RHCE: variants seen among roughly 807,000 people sequenced by gnomAD.
The protein encoded by RHCE is Rh blood group CcEe antigens, also known as blood group Rh(CE) polypeptide.
In RHCE, 22 loss-of-function variants were observed where a neutral mutation model predicts 43.8. The observed-to-expected ratio is 0.50, with a 90% confidence interval of 0.36 to 0.72. The LOEUF (loss-of-function observed/expected upper bound fraction) is 0.72, where lower values mean the gene tolerates loss of function less well. Ranked by LOEUF, RHCE falls within the 30% of genes least tolerant of loss-of-function variation. The pLI is 0.00. For missense variants in RHCE, 385 were observed against 525.4 expected (o/e 0.73, Z 2.61); for synonymous variants, 156 against 210.7 (o/e 0.74, Z 2.25).
chr1:25,396,406 C>A (rs615069), intron 3 of RHCE, among the ~76,000 whole-genome samples: 15 of 152,110 alleles, frequency 9.9e-5, no homozygotes, highest in Admixed American at 2.6e-4. Flanking sequence ...GTTAACTGAA[C>A]AATGGTTATG....
chr1:25,412,736 AAAAAAAG>A (rs1647131134), intron 1 of RHCE, among the ~76,000 whole-genome samples: 1 of 150,002 alleles, frequency 6.7e-6, no homozygotes. Flanking sequence ...AAAAAAAAAA[AAAAAAAG>A]GCCGGGCACA....
chr1:25,405,108 A>T (rs916313144), intron 2 of RHCE, among the ~76,000 whole-genome samples: 1 of 151,362 alleles, frequency 6.6e-6, no homozygotes, highest in African/African-American at 2.4e-5. Context: ...CTGTAATTCC[A>T]GTACTTTTCG....
At chr1:25,402,206 G>GTCTGTCTA (rs796249762) in intron 3 of RHCE, among the ~76,000 whole-genome samples, 28,207 of 129,816 alleles carry the variant, frequency 0.22, 3,633 homozygotes, top group Non-Finnish European at 0.31. Context: ...CTGTCTGTCT[G>GTCTGTCTA]TCTATCTATC....
intron 1 of RHCE, among the ~76,000 whole-genome samples, chr1:25,414,322 C>A (rs1298512995): frequency 6.6e-6 from 1 of 152,094 alleles, no homozygotes; most frequent in Non-Finnish European, 1.5e-5. Flanking sequence ...CTCTGGCCTG[C>A]AGAAACTTCA....
chr1:25,396,796 G>T (rs1407038432), intron 3 of RHCE, among the ~76,000 whole-genome samples: 1 of 152,092 alleles, frequency 6.6e-6, no homozygotes, highest in Non-Finnish European at 1.5e-5. Flanking sequence ...ATTGGAGGGG[G>T]ATACAGAACC....
At chr1:25,408,013 C>T (rs568585954) in intron 2 of RHCE, among the ~76,000 whole-genome samples, 2 of 123,832 alleles carry the variant, frequency 1.6e-5, no homozygotes, top group African/African-American at 5.0e-5. Context: ...TCAGGCTGGA[C>T]GCGGTGGCTC....
chr1:25,411,413 A>G (rs1477795437), intron 1 of RHCE: 1 of 1,550,358 alleles, frequency 6.5e-7, no homozygotes, highest in Admixed American at 2.0e-5. Context: ...AAAGTCTCAG[A>G]AAAAGTCTTT....
rs569164410 is a variant in RHCE, at chr1:25,367,656, G to A, written c.1227+2811C>T. Among the ~76,000 whole-genome samples, 96 of 140,144 alleles carry A rather than the reference G, an allele frequency of 6.9e-4. 4 individuals are homozygous for A. In the South Asian group the frequency reaches 0.019, roughly 27 times the overall value. The allele number at this position is 140,144 out of a possible 152,430, so 91.9% of individuals were successfully genotyped here. On this transcript the variant is annotated intron_variant, in intron 9 of 9. Transcript: ENST00000294413. ...AAAGAGGCCAGACCAAGGGCAGTAC[G>A]TGCTGCATGATTCCCTTTGTGTAAC...
At chr1:25,402,159 G>A (rs1425222996) in intron 3 of RHCE, among the ~76,000 whole-genome samples, 2 of 151,558 alleles carry the variant, frequency 1.3e-5, no homozygotes, top group African/African-American at 2.4e-5. Context: ...TTACAGGTGT[G>A]AGCCACTGTA....
intron 9 of RHCE, among the ~76,000 whole-genome samples, chr1:25,369,398 GCT>G (rs1645535948): frequency 6.6e-6 from 1 of 151,652 alleles, no homozygotes; most frequent in African/African-American, 2.4e-5. Flanking sequence ...ACTGGTCCCT[GCT>G]GGTCCAGCCT....
chr1:25,386,776 G>A (rs1646178302), intron 6 of RHCE, among the ~76,000 whole-genome samples: 1 of 151,666 alleles, frequency 6.6e-6, no homozygotes, highest in South Asian at 2.1e-4. Flanking sequence ...AAGCCAAGAT[G>A]GCGCCACTGC....
chr1:25,386,820 T>TCAACAA (rs1199191866), intron 6 of RHCE, among the ~76,000 whole-genome samples: 3 of 145,250 alleles, frequency 2.1e-5, no homozygotes, highest in East Asian at 3.9e-4. Flanking sequence ...AGACACCGTC[T>TCAACAA]CAACAACAAC....
Position 25,392,153 on chromosome 1 carries a change from C to G in RHCE, c.487-12G>C. ...ATGTGGTAGTCTGTCTGCAATAAAA[C>G]CCAGTAAGAGCAGTGAGTGTCGGCA... On this transcript the variant is annotated splice_polypyrimidine_tract_variant and intron_variant, in intron 3 of 9. Transcript: ENST00000294413. 1 of 1,614,116 alleles carries G rather than the reference C, an allele frequency of 6.2e-7. No individual in the cohort carries two copies.
At chr1:25,370,332 A>T in intron 9 of RHCE, 135 bp downstream of exon 9, 1 of 730,446 alleles carries the variant, frequency 1.4e-6, no homozygotes, top group Non-Finnish European at 2.5e-6. Context: ...TTTCTCCTCT[A>T]GTTCCTCCTG....
chr1:25,388,998 A>T lies in RHCE; in HGVS notation c.917T>A (p.Ile306Asn). The change falls in exon 6 of 10, where the codon ATC (isoleucine) becomes AAC (asparagine). Residue 306 changes from isoleucine (I) to asparagine (N), a missense_variant. Coordinates refer to ENST00000294413, the MANE Select transcript of RHCE (RefSeq NM_020485.8). ...TACCGGCAGGCACTTGGCTCCCCCGATGGAGATCAGCCCAGCCACAAGACC... is the reference window on the plus strand; with the variant it reads ...TACCGGCAGGCACTTGGCTCCCCCGTTGGAGATCAGCCCAGCCACAAGACC... ...VLGLVAGLISIGGAKCLPVCC... is the reference protein window; with the variant it reads ...VLGLVAGLISNGGAKCLPVCC... The T allele has an allele frequency of 6.2e-7, 1 of 1,614,220 alleles. No homozygotes were observed. The highest frequency in any genetic ancestry group is 8.5e-7 in the Non-Finnish European group (1 of 1,180,044).
intron 8 of RHCE, among the ~76,000 whole-genome samples, chr1:25,374,525 A>G (rs1227992956): frequency 6.7e-6 from 1 of 150,138 alleles, no homozygotes; most frequent in Non-Finnish European, 1.5e-5. Context: ...CCCATCTTTT[A>G]TAAGGGCCTG....
intron 1 of RHCE, among the ~76,000 whole-genome samples, chr1:25,418,160 G>A (rs1462942819): frequency 6.6e-6 from 1 of 152,106 alleles, no homozygotes; most frequent in Non-Finnish European, 1.5e-5. Context: ...CCAAGCAGCT[G>A]GGACTACAGG....
At chr1:25,370,788 A>G (rs111291914) in intron 8 of RHCE, among the ~76,000 whole-genome samples, 1 of 149,902 alleles carries the variant, frequency 6.7e-6, no homozygotes. Flanking sequence ...TCACTCTATC[A>G]CCCAGGCTGG....
chr1:25,386,886 C>T (rs1367727769), intron 6 of RHCE, among the ~76,000 whole-genome samples: 1 of 149,270 alleles, frequency 6.7e-6, no homozygotes, highest in East Asian at 1.9e-4. Context: ...CACAAATTAG[C>T]CAGGCATGGT....
Sources: allele counts gnomAD v4.1 joint callset (sites outside exome capture counted in the v4.1 genomes callset), GRCh38; gene constraint gnomAD v4.1.1; transcripts MANE v1.5; gene names NCBI Gene and HGNC (gene_info 2026-07-23, HGNC 2026-07-21).